TCF7L2: variants seen among roughly 807,000 people sequenced by gnomAD.
TCF7L2 encodes transcription factor 7 like 2.
A neutral mutation model predicts 77.9 loss-of-function variants in TCF7L2; 23 were observed. The observed-to-expected ratio is 0.30, with a 90% CI of 0.21 to 0.42. The LOEUF is 0.42. Among genes scored for constraint, TCF7L2 ranks in the 10% least tolerant of loss-of-function variants. The pLI, the probability that TCF7L2 is intolerant of heterozygous loss-of-function variation, is 1.00. For missense variants in TCF7L2, 654 were observed against 793.1 expected (o/e 0.82, Z 2.11); for synonymous variants, 413 against 340.2 (o/e 1.21, Z -2.36).
At chr10:113,119,329 C>T (rs545727697) in intron 5 of TCF7L2, among the ~76,000 whole-genome samples, 4 of 152,182 alleles carry the variant, frequency 2.6e-5, no homozygotes, top group East Asian at 1.9e-4. Context: ...GCTATTGCTG[C>T]GGACCACGCC....
chr10:113,163,605 ATTAT>A (rs1404354578), intron 13 of TCF7L2, among the ~76,000 whole-genome samples: 1 of 152,032 alleles, frequency 6.6e-6, no homozygotes, highest in African/African-American at 2.4e-5. Context: ...GAGAGGCTTA[ATTAT>A]TTATCTTGGT....
At chr10:113,031,776 A>G (rs2050261691) in intron 4 of TCF7L2, among the ~76,000 whole-genome samples, 1 of 152,194 alleles carries the variant, frequency 6.6e-6, no homozygotes, top group Non-Finnish European at 1.5e-5. Context: ...GGCATGAGCC[A>G]CTGTGTCTGG....
At chr10:113,013,321 G>A (rs906609175) in intron 4 of TCF7L2, among the ~76,000 whole-genome samples, 1 of 152,108 alleles carries the variant, frequency 6.6e-6, no homozygotes, top group African/African-American at 2.4e-5. Context: ...GTTTCACCAT[G>A]TTGCCCAGGC....
chr10:112,966,209 T>TA (rs1554877065), intron 4 of TCF7L2, among the ~76,000 whole-genome samples: 2 of 131,484 alleles, frequency 1.5e-5, no homozygotes, highest in African/African-American at 2.9e-5. Context: ...TATATATATA[T>TA]ATTTTCTTTT....
chr10:113,040,718 T>C (rs922014909), intron 5 of TCF7L2, among the ~76,000 whole-genome samples: 9 of 152,224 alleles, frequency 5.9e-5, no homozygotes, highest in Non-Finnish European at 1.2e-4. Flanking sequence ...AAAGCATTTG[T>C]TTTTAGTACT....
chr10:113,058,036 A>C (rs2055699533), intron 5 of TCF7L2, among the ~76,000 whole-genome samples: 1 of 152,132 alleles, frequency 6.6e-6, no homozygotes, highest in Non-Finnish European at 1.5e-5. Flanking sequence ...AGCAAATAGA[A>C]GCTTCTGGCA....
chr10:113,062,710 T>C (rs558686495), intron 5 of TCF7L2, among the ~76,000 whole-genome samples: 28 of 152,244 alleles, frequency 1.8e-4, no homozygotes, highest in Non-Finnish European at 3.8e-4. Context: ...TAAGCGTCCA[T>C]TAAGTGTTTT....
intron 3 of TCF7L2, among the ~76,000 whole-genome samples, chr10:112,956,668 A>G (rs1339579851): frequency 6.6e-6 from 1 of 152,202 alleles, no homozygotes; most frequent in Non-Finnish European, 1.5e-5. Context: ...TTTTACAACC[A>G]AAGGCAAACT....
intron 4 of TCF7L2, among the ~76,000 whole-genome samples, chr10:113,019,029 G>T (rs1396348346): frequency 1.3e-5 from 2 of 152,204 alleles, no homozygotes; most frequent in Non-Finnish European, 2.9e-5. Flanking sequence ...AGGGTCCCGG[G>T]CCAATGGGAC....
chr10:113,128,322 GT>G (rs1460457140), intron 5 of TCF7L2, among the ~76,000 whole-genome samples: 7 of 152,104 alleles, frequency 4.6e-5, no homozygotes, highest in Admixed American at 4.6e-4. Flanking sequence ...CCACTTTTTT[GT>G]TATTTTTAAG....
intron 4 of TCF7L2, among the ~76,000 whole-genome samples, chr10:112,972,089 G>A (rs1349164324): frequency 6.6e-6 from 1 of 152,084 alleles, no homozygotes; most frequent in Non-Finnish European, 1.5e-5. Flanking sequence ...TCAACCTATT[G>A]AAGTTTGAGA....
intron 4 of TCF7L2, among the ~76,000 whole-genome samples, chr10:112,999,804 A>C (rs776613879): frequency 2.6e-5 from 4 of 152,174 alleles, no homozygotes; most frequent in Non-Finnish European, 5.9e-5. Flanking sequence ...TGTCTTGTCT[A>C]TCAATACCCC....
At chr10:112,969,624 G>T (rs1222872786) in intron 4 of TCF7L2, among the ~76,000 whole-genome samples, 1 of 152,222 alleles carries the variant, frequency 6.6e-6, no homozygotes, top group African/African-American at 2.4e-5. Context: ...TTAGGTATGT[G>T]AGTGATACGT....
chr10:112,952,885 C>T (rs1419892871), intron 3 of TCF7L2, among the ~76,000 whole-genome samples: 1 of 151,430 alleles, frequency 6.6e-6, no homozygotes, highest in Non-Finnish European at 1.5e-5. Context: ...CTCCCTCCCT[C>T]TTCTAAGAAG....
At chr10:113,067,713 A>C (rs937937512) in intron 5 of TCF7L2, among the ~76,000 whole-genome samples, 3 of 152,198 alleles carry the variant, frequency 2.0e-5, no homozygotes, top group Non-Finnish European at 4.4e-5. Flanking sequence ...CCAGTTAGAA[A>C]CTTGCCATGT....
At chr10:113,098,393 C>T (rs550491419) in intron 5 of TCF7L2, among the ~76,000 whole-genome samples, 12 of 152,076 alleles carry the variant, frequency 7.9e-5, no homozygotes, top group Non-Finnish European at 1.6e-4. Context: ...AAGTGTGAGA[C>T]GTGGGATTTT....
rs995281157 is a variant in TCF7L2 at position 113,166,105 on chromosome 10, G to A, written c.*133G>A. Reference sequence around the variant, plus strand: ...GTGCCATGTGGCTACATTAGTTGATGTTTATCGAGTTCATTGGTCAATATT... The same window carrying A: ...GTGCCATGTGGCTACATTAGTTGATATTTATCGAGTTCATTGGTCAATATT... On this transcript the variant is annotated 3_prime_UTR_variant, in exon 14 of 14. Coordinates refer to ENST00000627217, the MANE Select transcript of TCF7L2 (RefSeq NM_001146274.2). 19 of 730,582 alleles carry A rather than the reference G, an allele frequency of 2.6e-5. No homozygotes were observed. The African/African-American group carries it at 3.7e-4, about 14-fold the overall frequency. 45.3% of individuals were successfully genotyped at this position (730,582 alleles called of 1,614,324 possible).
chr10:113,083,294 G>T (rs1044117207), intron 5 of TCF7L2, among the ~76,000 whole-genome samples: 1 of 98,174 alleles, frequency 1.0e-5, no homozygotes, highest in Non-Finnish European at 2.1e-5. Flanking sequence ...ACACACACAC[G>T]TGCAAGTGTG....
chr10:113,028,177 C>T (rs1156286084), intron 4 of TCF7L2, among the ~76,000 whole-genome samples: 2 of 152,084 alleles, frequency 1.3e-5, no homozygotes, highest in African/African-American at 2.4e-5. Flanking sequence ...GGGCAGAGTC[C>T]TGGGAGAGAA....
Sources: allele counts gnomAD v4.1 joint callset (sites outside exome capture counted in the v4.1 genomes callset), GRCh38; gene constraint gnomAD v4.1.1; transcripts MANE v1.5; gene names NCBI Gene and HGNC (gene_info 2026-07-23, HGNC 2026-07-21).